The following SUPT3H variants were observed in gnomAD, a reference collection of about 807,000 sequenced individuals.
SUPT3H encodes the protein SPT3 homolog, SAGA and STAGA complex component, also known as transcription initiation protein SPT3 homolog.
A neutral mutation model predicts 44.3 loss-of-function variants in SUPT3H; 44 were observed. The observed-to-expected ratio is 0.99, with a 90% CI of 0.78 to 1.28. The LOEUF (loss-of-function observed/expected upper bound fraction) is 1.28. Ranked by LOEUF, SUPT3H falls within the 50% of genes most tolerant of loss-of-function variation. The pLI is 0.00. For missense variants in SUPT3H, 380 were observed against 387.1 expected, an observed-to-expected ratio of 0.98 and a Z score of 0.15; for synonymous variants, 124 against 125.6, an observed-to-expected ratio of 0.99 and a Z score of 0.09.
chr6:45,063,740 G>A (rs1483833012), intron 3 of SUPT3H, among the ~76,000 whole-genome samples: 16 of 126,148 alleles, frequency 1.3e-4, no homozygotes, highest in Middle Eastern at 3.7e-3. Flanking sequence ...GAAATGAAGC[G>A]AGAAGGGAAG....
At chr6:45,028,823 A>C (rs932863522) in intron 3 of SUPT3H, among the ~76,000 whole-genome samples, 2 of 149,324 alleles carry the variant, frequency 1.3e-5, no homozygotes, top group Non-Finnish European at 3.0e-5. Context: ...CTTACATTGC[A>C]TAGAAAAGTC....
chr6:44,892,215 G>T (rs1224094822), intron 10 of SUPT3H, among the ~76,000 whole-genome samples: 1 of 152,106 alleles, frequency 6.6e-6, no homozygotes, highest in South Asian at 2.1e-4. Flanking sequence ...TGGAGACAGA[G>T]CTCTAAGGAG....
chr6:45,110,830 T>A (rs940762292), intron 2 of SUPT3H, among the ~76,000 whole-genome samples: 1 of 152,114 alleles, frequency 6.6e-6, no homozygotes. Flanking sequence ...TCCCCAGCTG[T>A]GAAAGGCAGT....
At chr6:45,245,248 A>G (rs1177910351) in intron 2 of SUPT3H, among the ~76,000 whole-genome samples, 2 of 152,164 alleles carry the variant, frequency 1.3e-5, no homozygotes, top group Admixed American at 6.5e-5. Flanking sequence ...TGAGTTCCAA[A>G]CAATTAAAAT....
At chr6:45,039,592 C>A (rs1788199439) in intron 3 of SUPT3H, among the ~76,000 whole-genome samples, 1 of 151,902 alleles carries the variant, frequency 6.6e-6, no homozygotes, top group South Asian at 2.1e-4. Flanking sequence ...CCAGCCAGGC[C>A]AACACGGTGA....
At chr6:45,268,265 AG>A (rs754671540) in intron 2 of SUPT3H, among the ~76,000 whole-genome samples, 57 of 152,316 alleles carry the variant, frequency 3.7e-4, no homozygotes, top group Middle Eastern at 3.4e-3. Context: ...GAAATTAAAA[AG>A]GGGTGCGTGT....
chr6:44,944,327 C>A (rs2153468119), intron 9 of SUPT3H, among the ~76,000 whole-genome samples: 3 of 151,934 alleles, frequency 2.0e-5, no homozygotes, highest in Admixed American at 2.0e-4. Flanking sequence ...AAAAAACACA[C>A]AACCCAAAAG....
intron 9 of SUPT3H, among the ~76,000 whole-genome samples, chr6:44,941,310 T>A (rs1197282282): frequency 6.6e-6 from 1 of 152,128 alleles, no homozygotes; most frequent in Non-Finnish European, 1.5e-5. Flanking sequence ...TTGAGCATTT[T>A]GTGTAAGGTC....
intron 10 of SUPT3H, among the ~76,000 whole-genome samples, chr6:44,835,473 GA>G (rs1769683400): frequency 1.5e-4 from 1 of 6,564 alleles, no homozygotes; most frequent in African/African-American, 6.9e-4. Flanking sequence ...GGTTGAAAGG[GA>G]TGAAGATGGG....
chr6:44,952,311 T>C (rs532240043), intron 9 of SUPT3H, among the ~76,000 whole-genome samples: 1 of 152,290 alleles, frequency 6.6e-6, no homozygotes, highest in South Asian at 2.1e-4. Flanking sequence ...GTAGGCAAAA[T>C]TTGTGAATGT....
chr6:45,202,381 G>A (rs1416992547), intron 2 of SUPT3H, among the ~76,000 whole-genome samples: 2 of 151,740 alleles, frequency 1.3e-5, no homozygotes, highest in African/African-American at 4.8e-5. Flanking sequence ...AAAGAAAGAA[G>A]AGCAGAAAAC....
chr6:45,193,460 T>C (rs1018926185), intron 2 of SUPT3H, among the ~76,000 whole-genome samples: 1 of 152,198 alleles, frequency 6.6e-6, no homozygotes, highest in African/African-American at 2.4e-5. Flanking sequence ...AATATTAAGA[T>C]GCTGTATCAA....
chr6:44,996,596 C>G (rs1375692643), intron 6 of SUPT3H, among the ~76,000 whole-genome samples: 1 of 151,802 alleles, frequency 6.6e-6, no homozygotes, highest in Non-Finnish European at 1.5e-5. Flanking sequence ...ACAAAACCCT[C>G]TGAAAATTCC....
intron 6 of SUPT3H, among the ~76,000 whole-genome samples, chr6:44,981,929 T>C (rs1779147590): frequency 6.7e-6 from 1 of 150,236 alleles, no homozygotes; most frequent in Non-Finnish European, 1.5e-5. Flanking sequence ...TAGTCCCAGC[T>C]ACTGGGGAGG....
At chr6:45,175,592 G>A (rs1748238) in intron 2 of SUPT3H, among the ~76,000 whole-genome samples, 129,311 of 152,136 alleles carry the variant, frequency 0.85, 55,202 homozygotes, top group African/African-American at 0.89. Context: ...GTCTTTCACC[G>A]ATCTTCTTAT....
chr6:44,886,984 C>T (rs1438281017), intron 10 of SUPT3H, among the ~76,000 whole-genome samples: 1 of 152,112 alleles, frequency 6.6e-6, no homozygotes, highest in Non-Finnish European at 1.5e-5. Context: ...TCTGATAAAA[C>T]AGACTTTAAA....
At position 45,322,253 on chromosome 6, in the gene SUPT3H, G is replaced by A. The variant is rs561196760; in HGVS notation, c.101+42948C>T. ...AAAGACTGAATAACACGTATATTAT[G>A]CCTATGCATCAAGAAACAGACTTCT... On this transcript the variant is annotated intron_variant, in intron 2 of 10. Coordinates refer to ENST00000371459, the MANE Select transcript of SUPT3H (RefSeq NM_003599.4). Among the ~76,000 whole-genome samples the A allele has an allele frequency of 2.0e-5, 3 of 151,890 alleles. No individual in the cohort carries two copies. The South Asian group carries it at 6.2e-4, about 32-fold the overall frequency.
At position 45,172,118 on chromosome 6, in the gene SUPT3H, G is replaced by A. The variant is rs1277550614; in HGVS notation, c.102-66112C>T. 2.0e-5 allele frequency among the ~76,000 whole-genome samples: 3 copies of A among 150,794 alleles called. No individual in the cohort carries two copies. In the East Asian group the frequency reaches 5.9e-4, roughly 30 times the overall value. On this transcript the variant is annotated intron_variant, in intron 2 of 10. Transcript: ENST00000371459. ...AGACAGAGTCTCACTCTGTCGCCAG[G>A]CTGGAGTGCAGTGGCGCGATCTCAG... is the stretch of plus-strand genomic sequence containing the variant.
intron 2 of SUPT3H, among the ~76,000 whole-genome samples, chr6:45,217,598 A>G (rs1261865759): frequency 6.6e-6 from 1 of 152,238 alleles, no homozygotes; most frequent in Non-Finnish European, 1.5e-5. Flanking sequence ...AAAATACTAT[A>G]TATTTTAATC....
Sources: gnomAD v4.1 joint callset for allele counts (sites outside exome capture counted in the v4.1 genomes callset) on GRCh38, gnomAD v4.1.1 for gene constraint, MANE v1.5 for transcripts, NCBI Gene and HGNC (gene_info 2026-07-23, HGNC 2026-07-21) for gene names.